ADGRE3: variants seen among roughly 807,000 people sequenced by gnomAD.
ADGRE3 encodes the protein adhesion G protein-coupled receptor E3.
In ADGRE3, 88 loss-of-function variants were observed where a neutral mutation model predicts 80.1. The observed-to-expected ratio is 1.10, with a 90% CI of 0.93 to 1.31. ADGRE3 has a LOEUF of 1.31. Among genes scored for constraint, ADGRE3 ranks in the 40% most tolerant of loss-of-function variants. The pLI is 0.00. For missense variants in ADGRE3, 715 were observed against 776.5 expected (o/e 0.92, Z 0.94); for synonymous variants, 281 against 294.8 (o/e 0.95, Z 0.48).
Position 14,632,911 on chromosome 19 carries a change from C to A in ADGRE3, c.1643+10G>T. On this transcript the variant is annotated intron_variant, in intron 13 of 15. Coordinates refer to ENST00000253673, the MANE Select transcript of ADGRE3 (RefSeq NM_032571.5). ...AAAGGGAATAGGAAGTACCATTTGTCACATCCTACCTTGTGTTCTGGATGG... is the reference window on the plus strand; with the variant it reads ...AAAGGGAATAGGAAGTACCATTTGTAACATCCTACCTTGTGTTCTGGATGG... 2 of 1,583,372 alleles carry A rather than the reference C, an allele frequency of 1.3e-6. No homozygotes were observed. Among genetic ancestry groups the A allele is most frequent in the South Asian group, 2.2e-5 (2 of 90,424 alleles).
chr19:14,629,341 G>A (rs1970817840), intron 14 of ADGRE3, among the ~76,000 whole-genome samples: 2 of 152,116 alleles, frequency 1.3e-5, no homozygotes, highest in Non-Finnish European at 2.9e-5. Context: ...GTGAAGTGGT[G>A]TGTTAGCTGC....
At chr19:14,661,872 G>C in intron 4 of ADGRE3, 91 bp downstream of exon 4, 1 of 1,398,182 alleles carries the variant, frequency 7.2e-7, no homozygotes, top group Non-Finnish European at 1.0e-6. Context: ...GCTACAGAGC[G>C]AGACTCTGTC....
chr19:14,656,350 T>A (rs1971760391), intron 5 of ADGRE3, among the ~76,000 whole-genome samples: 1 of 66,636 alleles, frequency 1.5e-5, no homozygotes. Context: ...TGAGACTCCA[T>A]CTCAAAAAAA....
intron 1 of ADGRE3, among the ~76,000 whole-genome samples, chr19:14,669,151 G>A (rs1255854098): frequency 3.3e-5 from 5 of 152,106 alleles, no homozygotes; most frequent in Non-Finnish European, 5.9e-5. Flanking sequence ...GGCAAGTCAC[G>A]GAGCCAACCT....
chr19:14,644,315 T>C, intron 8 of ADGRE3, 40 bp from the exon 9 acceptor site: 1 of 1,362,778 alleles, frequency 7.3e-7, no homozygotes, highest in East Asian at 2.7e-5. Flanking sequence ...GTCTTTGTCT[T>C]TCTTTCTTTC....
At chr19:14,672,441 G>C (rs1972281736) in intron 1 of ADGRE3, among the ~76,000 whole-genome samples, 1 of 152,164 alleles carries the variant, frequency 6.6e-6, no homozygotes, top group Non-Finnish European at 1.5e-5. Flanking sequence ...TGTGAAATAG[G>C]GTGGCAGTAT....
intron 1 of ADGRE3, among the ~76,000 whole-genome samples, chr19:14,671,191 A>G (rs1184354571): frequency 6.6e-6 from 1 of 152,208 alleles, no homozygotes; most frequent in Non-Finnish European, 1.5e-5. Flanking sequence ...ACAAATTACC[A>G]TGACTGTAGT....
chr19:14,615,364 A>G (rs1248833397), downstream of ADGRE3, among the ~76,000 whole-genome samples: 1 of 151,946 alleles, frequency 6.6e-6, no homozygotes, highest in African/African-American at 2.4e-5. Context: ...TTATCTCCTG[A>G]AAGTCCCCAC....
chr19:14,673,083 C>G (rs976433178), intron 1 of ADGRE3, among the ~76,000 whole-genome samples: 2 of 152,114 alleles, frequency 1.3e-5, no homozygotes, highest in Non-Finnish European at 2.9e-5. Context: ...CATTTGATTC[C>G]ACATATACTG....
Position 14,630,056 on chromosome 19 carries a change from A to T in ADGRE3, c.1795T>A (p.Cys599Ser). Residue 599 changes from cysteine to serine, a missense_variant, in exon 14 of 16, where the codon TGC becomes AGC. Cys to Ser is a moderately radical substitution (Grantham distance 112). Coordinates refer to ENST00000253673, the MANE Select transcript of ADGRE3 (RefSeq NM_032571.5). The stretch of plus-strand genomic sequence containing the variant: ...GTGTTTACCTGCTGGCTGAGGAGGC[A>T]GTAGACCAAGAAGATGAAGAAGCCT... ...LQGFFIFLVY[C>S]LLSQQVQKQY... 6.2e-7 allele frequency: 1 copy of T among 1,609,072 alleles called. No homozygotes were observed. The highest frequency in any genetic ancestry group is 8.5e-7 in the Non-Finnish European group (1 of 1,177,346).
chr19:14,618,134 A>G (rs139281006), downstream of ADGRE3, among the ~76,000 whole-genome samples: 1,186 of 152,296 alleles, frequency 7.8e-3, 16 homozygotes, highest in African/African-American at 0.028. Context: ...AGACAAAAAT[A>G]TATATATTTA....
At chr19:14,655,495 G>A (rs780302970) in intron 5 of ADGRE3, among the ~76,000 whole-genome samples, 28 of 152,072 alleles carry the variant, frequency 1.8e-4, no homozygotes, top group South Asian at 4.2e-4. Context: ...TTGCTCTGTC[G>A]CCCAGGCTAG....
intron 1 of ADGRE3, among the ~76,000 whole-genome samples, chr19:14,672,494 T>A (rs1423718633): frequency 6.6e-6 from 1 of 152,190 alleles, no homozygotes; most frequent in Non-Finnish European, 1.5e-5. Context: ...AATGAGGGAC[T>A]GTGTAGAGCA....
the ADGRE3 span, chr19:14,607,217 T>A: frequency 5.3e-6 from 2 of 375,410 alleles, no homozygotes; most frequent in Non-Finnish European, 8.9e-6. Context: ...TTCTTTTTTT[T>A]TTTTTGAGAC....
At chr19:14,666,958 A>G (rs1161739539) in intron 2 of ADGRE3, among the ~76,000 whole-genome samples, 1 of 152,200 alleles carries the variant, frequency 6.6e-6, no homozygotes, top group Non-Finnish European at 1.5e-5. Context: ...ACCTCAGGAT[A>G]TGACTTCATT....
At chr19:14,603,024 C>T in the ADGRE3 span, among the ~76,000 whole-genome samples, 9 of 152,192 alleles carry the variant, frequency 5.9e-5, no homozygotes, top group African/African-American at 9.7e-5. Flanking sequence ...CATAAGCCAC[C>T]GTGGCTGGCC....
intron 11 of ADGRE3, among the ~76,000 whole-genome samples, chr19:14,634,385 G>A (rs953994983): frequency 1.3e-5 from 2 of 152,020 alleles, no homozygotes; most frequent in Non-Finnish European, 2.9e-5. Flanking sequence ...TATTTAAATT[G>A]GTATGTGTAC....
At chr19:14,630,257 A>C (rs1568477521) in intron 13 of ADGRE3, 50 bp from the exon 14 acceptor site, 6 of 1,494,268 alleles carry the variant, frequency 4.0e-6, no homozygotes, top group Non-Finnish European at 5.4e-6. Context: ...AATAATGAGC[A>C]TGAACACCCC....
chr19:14,618,770 C>T (rs1449425362), downstream of ADGRE3, among the ~76,000 whole-genome samples: 4 of 144,236 alleles, frequency 2.8e-5, no homozygotes, highest in South Asian at 6.6e-4. Flanking sequence ...GCAGAAGAAT[C>T]GCTTGAACCC....
Sources: allele counts gnomAD v4.1 joint callset (sites outside exome capture counted in the v4.1 genomes callset), GRCh38; gene constraint gnomAD v4.1.1; transcripts MANE v1.5; gene names NCBI Gene and HGNC (gene_info 2026-07-23, HGNC 2026-07-21).